Variants in ESRRG observed in about 807,000 individuals in gnomAD.
ESRRG encodes the protein estrogen-related receptor gamma.
ESRRG carries 13 observed loss-of-function variants against 44.0 expected under a neutral mutation model. That is an observed-to-expected ratio of 0.30 (90% CI 0.19 to 0.47). ESRRG has a LOEUF of 0.47. Among genes scored for constraint, ESRRG ranks in the 20% least tolerant of loss-of-function variants. ESRRG has a pLI of 1.00. For synonymous variants in ESRRG, 215 were observed against 214.6 expected, an observed-to-expected ratio of 1.00 and a Z score of -0.02; for missense variants, 395 against 580.6, an observed-to-expected ratio of 0.68 and a Z score of 3.29.
chr1:216,578,206 G>C (rs1169862123), intron 3 of ESRRG, among the ~76,000 whole-genome samples: 1 of 151,986 alleles, frequency 6.6e-6, no homozygotes, highest in East Asian at 1.9e-4. Flanking sequence ...TAGTTCAATA[G>C]AGATTAAATG....
At chr1:216,847,954 G>A (rs893667140) in intron 2 of ESRRG, among the ~76,000 whole-genome samples, 4 of 152,166 alleles carry the variant, frequency 2.6e-5, no homozygotes, top group African/African-American at 9.6e-5. Context: ...GTTCCAAGAT[G>A]TTGGTATAGG....
chr1:216,985,473 A>T lies in ESRRG; in HGVS notation c.-105-45800T>A, dbSNP rs114632019. ...CTTCCTTCATAACTAAATTCCAGTAAATGGCTTTATATCTCCCTGTGCTGG... is the reference window on the plus strand; with the variant it reads ...CTTCCTTCATAACTAAATTCCAGTATATGGCTTTATATCTCCCTGTGCTGG... On this transcript the variant is annotated intron_variant, in intron 1 of 7. Coordinates refer to the ESRRG transcript ENST00000359162. Among the ~76,000 whole-genome samples the T allele has an allele frequency of 8.8e-3, 1,334 of 152,264 alleles. 12 individuals are homozygous for T. Among genetic ancestry groups the T allele is most frequent in the Non-Finnish European group, 0.013 (917 of 68,016 alleles).
chr1:216,831,219 G>A (rs1050043685), intron 2 of ESRRG, among the ~76,000 whole-genome samples: 1 of 152,116 alleles, frequency 6.6e-6, no homozygotes, highest in Non-Finnish European at 1.5e-5. Flanking sequence ...TAAAGCTGGT[G>A]TTGTTAGCAG....
chr1:216,835,559 T>C (rs1013908447), intron 2 of ESRRG, among the ~76,000 whole-genome samples: 1 of 152,180 alleles, frequency 6.6e-6, no homozygotes, highest in Non-Finnish European at 1.5e-5. Flanking sequence ...GACTCAAATA[T>C]AGAAATACGG....
chr1:217,092,652 C>T (rs79409284), upstream of ESRRG, among the ~76,000 whole-genome samples: 1,332 of 152,282 alleles, frequency 8.7e-3, 20 homozygotes, highest in African/African-American at 0.03. Context: ...ACTCACACTG[C>T]GATCCCAGTG....
intron 2 of ESRRG, among the ~76,000 whole-genome samples, chr1:216,853,660 C>G (rs1028305476): frequency 6.6e-6 from 1 of 152,160 alleles, no homozygotes; most frequent in African/African-American, 2.4e-5. Flanking sequence ...CTTCCAAAGA[C>G]CGGGTAAACT....
chr1:217,013,848 G>C (rs964584437), intron 1 of ESRRG, among the ~76,000 whole-genome samples: 8 of 110,840 alleles, frequency 7.2e-5, no homozygotes, highest in East Asian at 3.1e-4. Context: ...TTAAAATGAG[G>C]GGCTGAAACA....
intron 3 of ESRRG, among the ~76,000 whole-genome samples, chr1:216,596,645 C>T (rs982755146): frequency 2.0e-5 from 3 of 152,152 alleles, no homozygotes; most frequent in African/African-American, 7.2e-5. Flanking sequence ...ATCAATGCTC[C>T]AAGTATATGT....
At chr1:216,751,589 T>C (rs1165670811) in intron 2 of ESRRG, among the ~76,000 whole-genome samples, 1 of 152,054 alleles carries the variant, frequency 6.6e-6, no homozygotes, top group South Asian at 2.1e-4. Context: ...TTCTTTTCCC[T>C]TTTTTTCCTC....
chr1:216,650,035 A>C (rs1191755235), intron 3 of ESRRG, among the ~76,000 whole-genome samples: 1 of 152,212 alleles, frequency 6.6e-6, no homozygotes, highest in African/African-American at 2.4e-5. Flanking sequence ...CAGAAGTTAC[A>C]CATTTAAATA....
intron 3 of ESRRG, among the ~76,000 whole-genome samples, chr1:216,633,623 A>C (rs2064701140): frequency 6.6e-6 from 1 of 152,174 alleles, no homozygotes; most frequent in African/African-American, 2.4e-5. Context: ...CTCAGTTCTG[A>C]AAATATTTAG....
In ESRRG at chr1:217,064,368, C is replaced by A. The variant is rs190285520; in HGVS notation, c.-106+25139G>T. ...GAGTAAATGATGAAAAATATACACA[C>A]ACATATATATAATTTGATTCATTTT... On this transcript the variant is annotated intron_variant, in intron 1 of 7. Transcript: ENST00000359162. Among the ~76,000 whole-genome samples the A allele has an allele frequency of 2.7e-3, 418 of 152,034 alleles. 2 individuals are homozygous for A. The highest frequency in any genetic ancestry group is 3.9e-3 in the Non-Finnish European group (267 of 68,002).
At chr1:216,889,430 C>T (rs2057473723) in intron 2 of ESRRG, among the ~76,000 whole-genome samples, 1 of 152,106 alleles carries the variant, frequency 6.6e-6, no homozygotes, top group African/African-American at 2.4e-5. Flanking sequence ...CCATGGACAC[C>T]CACTTCTGAC....
At chr1:216,745,130 T>C (rs554110932) in intron 2 of ESRRG, among the ~76,000 whole-genome samples, 1 of 151,990 alleles carries the variant, frequency 6.6e-6, no homozygotes, top group East Asian at 1.9e-4. Context: ...ACATTTTGCT[T>C]GTCTTTCATC....
chr1:216,632,086 T>A (rs187680566), intron 3 of ESRRG, among the ~76,000 whole-genome samples: 50 of 152,340 alleles, frequency 3.3e-4, no homozygotes, highest in Non-Finnish European at 5.6e-4. Flanking sequence ...AAGAATCTTA[T>A]ATTTTAGAAA....
At chr1:216,837,453 A>C (rs777225584) in intron 2 of ESRRG, among the ~76,000 whole-genome samples, 3 of 152,132 alleles carry the variant, frequency 2.0e-5, no homozygotes, top group Non-Finnish European at 2.9e-5. Context: ...TCCAATTTTT[A>C]GAATATTAAA....
chr1:217,049,470 G>GT (rs2085499058), intron 1 of ESRRG, among the ~76,000 whole-genome samples: 1 of 152,204 alleles, frequency 6.6e-6, no homozygotes, highest in Non-Finnish European at 1.5e-5. Flanking sequence ...ACTAAAAGTA[G>GT]TAAAGCTTCT....
chr1:216,947,993 G>A (rs1453886070), intron 1 of ESRRG, among the ~76,000 whole-genome samples: 1 of 152,124 alleles, frequency 6.6e-6, no homozygotes, highest in Non-Finnish European at 1.5e-5. Flanking sequence ...GTGTATTGAG[G>A]TCAGAAAGCC....
At chr1:217,010,579 G>T (rs1245195458) in intron 1 of ESRRG, among the ~76,000 whole-genome samples, 1 of 152,116 alleles carries the variant, frequency 6.6e-6, no homozygotes, top group Non-Finnish European at 1.5e-5. Context: ...CCACATATAT[G>T]CCATGCATCA....
Sources: gnomAD v4.1 joint callset for allele counts (sites outside exome capture counted in the v4.1 genomes callset) on GRCh38, gnomAD v4.1.1 for gene constraint, MANE v1.5 for transcripts, NCBI Gene and HGNC (gene_info 2026-07-23, HGNC 2026-07-21) for gene names.